The following DOC2A variants were observed in gnomAD, a reference collection of about 807,000 sequenced individuals.
The protein encoded by DOC2A is double C2-like domain-containing protein alpha.
Under a neutral mutation model 40.6 loss-of-function variants are expected in DOC2A, and 28 were observed. That is an observed-to-expected ratio of 0.69 (90% CI 0.51 to 0.95). The LOEUF (loss-of-function observed/expected upper bound fraction) is 0.95. DOC2A is among the 40% of genes least tolerant of loss of function. The pLI, the probability that DOC2A is intolerant of heterozygous loss-of-function variation, is 0.00. For missense variants in DOC2A, 474 were observed against 552.5 expected (o/e 0.86, Z 1.42); for synonymous variants, 241 against 236.9 (o/e 1.02, Z -0.16).
Position 30,010,097 on chromosome 16 carries a change from A to T in DOC2A, c.126T>A (p.Pro42=). The T allele has an allele frequency of 6.2e-7, 1 of 1,612,910 alleles. No homozygotes were observed. The highest frequency in any genetic ancestry group is 2.2e-5 in the East Asian group (1 of 44,854). The change falls in exon 2 of 11, where the codon CCT becomes CCA. Residue 42 remains proline, a synonymous_variant. Coordinates refer to ENST00000350119, the MANE Select transcript of DOC2A (RefSeq NM_003586.3). The surrounding 1 kb of genome is among the most constrained non-coding windows in gnomAD (Gnocchi z 4.2). The part of the protein sequence containing the change: ...ISDYFPRGPG[P]EGGGGGGGEA... ...CCCCGCCGCCCCCGCCGCCCCCTTC[A>T]GGTCCTGGTCCCCGGGGGAAGTAGT...
At chr16:30,008,235 A>C (rs930090290) in intron 5 of DOC2A, 4 of 152,946 alleles carry the variant, frequency 2.6e-5, no homozygotes, top group Non-Finnish European at 5.8e-5. Flanking sequence ...CTGTCCCTGA[A>C]GACTTCACTC....
At position 30,009,030 on chromosome 16, in the gene DOC2A, T is replaced by TCCC; in HGVS notation, c.490_492dup (p.Gly164dup). Reference sequence around the variant, plus strand: ...TTGTGCGTGATGTCGTCATCTGTGATCCCGCTGTAAGTCAGGTCCTCATTC... The same window carrying TCCC: ...TTGTGCGTGATGTCGTCATCTGTGATCCCCCCGCTGTAAGTCAGGTCCTCATTC... On this transcript the variant is annotated inframe_insertion, in exon 5 of 11. Transcript: ENST00000350119. This position sits in a 1 kb window ranked among gnomAD's most constrained non-coding sequence, Gnocchi z 4.1. The TCCC allele has an allele frequency of 6.2e-7, 1 of 1,613,992 alleles. No homozygotes were observed. Among genetic ancestry groups the TCCC allele is most frequent in the Non-Finnish European group, 8.5e-7 (1 of 1,180,000 alleles).
Position 30,005,976 on chromosome 16 carries a change from A to G in DOC2A, c.*210T>C. On this transcript the variant is annotated 3_prime_UTR_variant, in exon 11 of 11. Transcript: ENST00000350119. ...GATGATGGGGGGTTTGCATATTTGC[A>G]GGGACTAGCGAGTCAGGCAGGAGGT... 1 of 624,860 alleles carries G rather than the reference A, an allele frequency of 1.6e-6. No individual in the cohort carries two copies. Among genetic ancestry groups the G allele is most frequent in the Non-Finnish European group, 2.8e-6 (1 of 363,096 alleles). The allele number at this position is 624,860 out of a possible 1,614,324, so 38.7% of individuals were successfully genotyped here.
chr16:30,011,359 C>A, upstream of DOC2A: 2 of 985,300 alleles, frequency 2.0e-6, no homozygotes, highest in Non-Finnish European at 2.4e-6. Context: ...CACGCACTCG[C>A]AAACACGCGG....
chr16:30,006,229 G>A lies in DOC2A; in HGVS notation c.1160C>T (p.Thr387Ile), dbSNP rs771608798. ...CCCGGCCGCAGGGGGCAGCTCACTG[G>A]TCAGGGTGTGCCAGCGCTCCAGGGC... ...DAALERWHTL[T>I]SELPPAAGAL... Residue 387 changes from threonine to isoleucine, a missense_variant, in exon 11 of 11, where the codon ACC (threonine) becomes ATC (isoleucine). Coordinates refer to ENST00000350119, the MANE Select transcript of DOC2A (RefSeq NM_003586.3). The surrounding 1 kb of genome is among the most constrained non-coding windows in gnomAD (Gnocchi z 6.2). 1.3e-6 allele frequency: 2 copies of A among 1,592,542 alleles called. No individual in the cohort carries two copies. The highest frequency in any genetic ancestry group is 2.7e-5 in the African/African-American group (2 of 74,776).
At position 30,006,143 on chromosome 16, in the gene DOC2A, T is replaced by C; in HGVS notation, c.*43A>G. 6.5e-7 allele frequency: 1 copy of C among 1,546,660 alleles called. No homozygotes were observed. Among genetic ancestry groups the C allele is most frequent in the Non-Finnish European group, 8.7e-7 (1 of 1,143,596 alleles). ...ACACACTCGTGCGAAGGTTGGGTAC[T>C]GGACCCGGCTCGATGGGCCTGTGCC... On this transcript the variant is annotated 3_prime_UTR_variant, in exon 11 of 11. Transcript: ENST00000350119. The surrounding 1 kb of genome is among the most constrained non-coding windows in gnomAD (Gnocchi z 6.2).
At chr16:30,008,193 T>G (rs2070676661) in intron 5 of DOC2A, 1 of 152,978 alleles carries the variant, frequency 6.5e-6, no homozygotes, top group African/African-American at 2.4e-5. Flanking sequence ...TCTCCCTACA[T>G]CTCCATCTCC....
rs754668762 is a variant in DOC2A, at chr16:30,006,498, G to A, written c.972C>T (p.Tyr324=). 1.2e-5 allele frequency: 19 copies of A among 1,613,600 alleles called. No homozygotes were observed. Among genetic ancestry groups the A allele is most frequent in the South Asian group, 9.9e-5 (9 of 91,070 alleles). The change falls in exon 10 of 11, where the codon TAC becomes TAT. Residue 324 remains tyrosine (Y), a synonymous_variant. Coordinates refer to ENST00000350119, the MANE Select transcript of DOC2A (RefSeq NM_003586.3). The surrounding 1 kb of genome is among the most constrained non-coding windows in gnomAD (Gnocchi z 6.2). The part of the protein sequence containing the change: ...LNPEFNEEFF[Y]EIELSTLATK... ...TGGCCAGAGTGGAGAGCTCTATCTC[G>A]TAGAAAAACTCCTAGGGACAAGGCC...
At position 30,006,441 on chromosome 16, in the gene DOC2A, A is replaced by G. The variant is rs2070592872; in HGVS notation, c.1029T>C (p.Tyr343=). ...TGAAGTCATTGGATTTGCCAATGTC[A>G]TAGTCCCAGACGGTGACTTCCAGGG... The part of the protein sequence containing the change: ...TKTLEVTVWD[Y]DIGKSNDFIG... The change falls in exon 10 of 11, where the codon TAT becomes TAC. Residue 343 remains tyrosine, a synonymous_variant. Transcript: ENST00000350119. This position sits in a 1 kb window ranked among gnomAD's most constrained non-coding sequence, Gnocchi z 6.2. 3.7e-6 allele frequency: 6 copies of G among 1,613,466 alleles called. No homozygotes were observed. Among genetic ancestry groups the G allele is most frequent in the Non-Finnish European group, 5.1e-6 (6 of 1,179,880 alleles).
chr16:30,015,399 T>A (rs1596713923), upstream of DOC2A: 2 of 152,242 alleles, frequency 1.3e-5, no homozygotes, highest in Non-Finnish European at 1.5e-5. Context: ...CACCGCAACC[T>A]CCGCCTCTCG....
chr16:30,006,142 C>G lies in DOC2A; in HGVS notation c.*44G>C. The G allele has an allele frequency of 1.3e-6, 2 of 1,545,584 alleles. No homozygotes were observed. The highest frequency in any genetic ancestry group is 2.4e-5 in the South Asian group (2 of 84,412). The stretch of plus-strand genomic sequence containing the variant: ...AACACACTCGTGCGAAGGTTGGGTA[C>G]TGGACCCGGCTCGATGGGCCTGTGC... On this transcript the variant is annotated 3_prime_UTR_variant, in exon 11 of 11. Transcript: ENST00000350119. The surrounding 1 kb of genome is among the most constrained non-coding windows in gnomAD (Gnocchi z 6.2).
Position 30,006,297 on chromosome 16 carries a change from C to G in DOC2A, c.1092G>C (p.Glu364Asp), listed in dbSNP as rs910381791. 6.2e-7 allele frequency: 1 copy of G among 1,610,952 alleles called. No homozygotes were observed. The highest frequency in any genetic ancestry group is 8.5e-7 in the Non-Finnish European group (1 of 1,179,236). ...GVSLGPGARG[E>D]ARKHWSDCLQ... ...GGCAGTCACTCCAGTGCTTCCGAGC[C>G]TCGCCTCGGGCACCTGGCCCCAGGG... Residue 364 changes from glutamate to aspartate, a missense_variant, in exon 11 of 11, where the codon GAG (glutamate) becomes GAC (aspartate). By Grantham distance (45) the Glu-to-Asp change is conservative. Transcript: ENST00000350119. The surrounding 1 kb of genome is among the most constrained non-coding windows in gnomAD (Gnocchi z 6.2).
chr16:30,016,197 C>T (rs2150962925), upstream of DOC2A, among the ~76,000 whole-genome samples: 1 of 150,578 alleles, frequency 6.6e-6, no homozygotes, highest in Middle Eastern at 3.4e-3. Flanking sequence ...TACAGGTGCA[C>T]ACCACCATGC....
chr16:30,009,865 C>T lies in DOC2A; in HGVS notation c.262+96G>A. Reference sequence around the variant, plus strand: ...CCCCACTGCCCTCCTCCCCTACCTACATGCACAGCCAGCAGGGCCCATCCC... The same window carrying T: ...CCCCACTGCCCTCCTCCCCTACCTATATGCACAGCCAGCAGGGCCCATCCC... On this transcript the variant is annotated intron_variant, in intron 2 of 10. Coordinates refer to ENST00000350119, the MANE Select transcript of DOC2A (RefSeq NM_003586.3). The surrounding 1 kb of genome is among the most constrained non-coding windows in gnomAD (Gnocchi z 4.1). 7.1e-7 allele frequency: 1 copy of T among 1,405,260 alleles called. No homozygotes were observed. 87.0% of individuals were successfully genotyped at this position (1,405,260 alleles called of 1,614,324 possible).
upstream of DOC2A, chr16:30,012,700 A>AG (rs1415155847): frequency 1.4e-5 from 2 of 142,076 alleles, no homozygotes; most frequent in African/African-American, 2.5e-5. Context: ...AAAAAAAAAA[A>AG]GTAAGAGAAA....
At position 30,005,524 on chromosome 16, in the gene DOC2A, GT is replaced by G; in HGVS notation, c.*661del. The G allele has an allele frequency of 7.5e-7, 1 of 1,325,972 alleles. No homozygotes were observed. Among genetic ancestry groups the G allele is most frequent in the South Asian group, 1.3e-5 (1 of 77,380 alleles). 82.1% of individuals were successfully genotyped at this position (1,325,972 alleles called of 1,614,324 possible). A position where few individuals can be genotyped will look rare whatever the true frequency, so the allele number is the denominator to read the frequency against. ...ACACACGAGTCCAGCTTCCTCGGAGGTGTTTATTGATGCCCAGCTGCCATGC... is the reference window on the plus strand; with the variant it reads ...ACACACGAGTCCAGCTTCCTCGGAGGGTTTATTGATGCCCAGCTGCCATGC... On this transcript the variant is annotated 3_prime_UTR_variant, in exon 11 of 11. Transcript: ENST00000350119.
upstream of DOC2A, among the ~76,000 whole-genome samples, chr16:30,013,861 C>T (rs924766130): frequency 2.6e-5 from 4 of 151,974 alleles, no homozygotes; most frequent in Non-Finnish European, 5.9e-5. Flanking sequence ...ATTACAGGGG[C>T]GCACGCCCCA....
upstream of DOC2A, chr16:30,021,338 G>A (rs138573795): frequency 6.6e-6 from 1 of 152,264 alleles, no homozygotes; most frequent in Non-Finnish European, 1.5e-5. Context: ...GCTTGGGTGG[G>A]ATGGAACATG....
chr16:30,011,991 C>T (rs1272627671), upstream of DOC2A, among the ~76,000 whole-genome samples: 2 of 152,172 alleles, frequency 1.3e-5, no homozygotes, highest in East Asian at 3.9e-4. Context: ...CCCAAGCCGC[C>T]CCCCTGCCCG....
Sources: gnomAD v4.1 joint callset for allele counts (sites outside exome capture counted in the v4.1 genomes callset) on GRCh38, gnomAD v4.1.1 for gene constraint, Gnocchi (gnomAD v3.1) non-coding constraint, MANE v1.5 for transcripts, NCBI Gene and HGNC (gene_info 2026-07-23, HGNC 2026-07-21) for gene names.